The following TBC1D9 variants were observed in gnomAD, a reference collection of about 807,000 sequenced individuals.
TBC1D9 encodes TBC1 domain family member 9A.
A neutral mutation model predicts 132.0 loss-of-function variants in TBC1D9; 63 were observed. That is an observed-to-expected ratio of 0.48 (90% CI 0.39 to 0.59). The LOEUF is 0.59. TBC1D9 is among the 20% of genes least tolerant of loss of function. The pLI, the probability that TBC1D9 is intolerant of heterozygous loss-of-function variation, is 0.00. For synonymous variants in TBC1D9, 610 were observed against 609.9 expected (o/e 1.00, Z 0.00); for missense variants, 1,261 against 1,592.7 (o/e 0.79, Z 3.54).
At chr4:140,655,513 T>C (rs552258026) in intron 13 of TBC1D9, among the ~76,000 whole-genome samples, 1 of 152,306 alleles carries the variant, frequency 6.6e-6, no homozygotes, top group African/African-American at 2.4e-5. Context: ...GTAGAGAGCA[T>C]AGTGCGCTCA....
intron 1 of TBC1D9, among the ~76,000 whole-genome samples, chr4:140,739,144 G>A (rs1352141424): frequency 6.6e-6 from 1 of 151,590 alleles, no homozygotes; most frequent in African/African-American, 2.4e-5. Flanking sequence ...TTACAGGCGT[G>A]TGCCACCATG....
chr4:140,642,987 C>G (rs1737031820), intron 13 of TBC1D9: 1 of 703,852 alleles, frequency 1.4e-6, no homozygotes, highest in Admixed American at 2.9e-5. Context: ...CCGCCACATT[C>G]TGAAGTCCAG....
chr4:140,650,963 A>T (rs1737179805), intron 13 of TBC1D9, among the ~76,000 whole-genome samples: 1 of 152,230 alleles, frequency 6.6e-6, no homozygotes, highest in Non-Finnish European at 1.5e-5. Flanking sequence ...GACACATAGC[A>T]AGTCCCAGAT....
rs374271254 is a variant in TBC1D9, at chr4:140,669,087, A to T, written c.1438-20T>A. On this transcript the variant is annotated intron_variant, in intron 8 of 20. Coordinates refer to ENST00000442267, the MANE Select transcript of TBC1D9 (RefSeq NM_015130.3). ...TTTGGCCTGAAAGGGATAATGAAACATTATGACATCCAAAGTACCCTGAGG... is the reference window on the plus strand; with the variant it reads ...TTTGGCCTGAAAGGGATAATGAAACTTTATGACATCCAAAGTACCCTGAGG... 1.2e-6 allele frequency: 2 copies of T among 1,613,440 alleles called. No homozygotes were observed. Among genetic ancestry groups the T allele is most frequent in the Non-Finnish European group, 8.5e-7 (1 of 1,179,500 alleles).
chr4:140,642,744 C>G, intron 13 of TBC1D9: 1 of 650,140 alleles, frequency 1.5e-6, no homozygotes, highest in Non-Finnish European at 2.7e-6. Flanking sequence ...ATTCCTGCTC[C>G]CAGCTCATAG....
intron 1 of TBC1D9, among the ~76,000 whole-genome samples, chr4:140,734,321 G>A (rs1738641836): frequency 6.6e-6 from 1 of 151,986 alleles, no homozygotes; most frequent in South Asian, 2.1e-4. Flanking sequence ...GTAGAGATGG[G>A]GTTTCGCCAT....
At chr4:140,704,964 T>C (rs564224218) in intron 1 of TBC1D9, among the ~76,000 whole-genome samples, 2 of 152,336 alleles carry the variant, frequency 1.3e-5, no homozygotes, top group South Asian at 2.1e-4. Context: ...CACAGGTACA[T>C]GCTGAAATAT....
At chr4:140,711,372 G>A (rs1336258951) in intron 1 of TBC1D9, among the ~76,000 whole-genome samples, 1 of 152,084 alleles carries the variant, frequency 6.6e-6, no homozygotes, top group Non-Finnish European at 1.5e-5. Flanking sequence ...AGAGTTCATC[G>A]CTATGAAGCC....
At chr4:140,735,079 A>C (rs1314761223) in intron 1 of TBC1D9, among the ~76,000 whole-genome samples, 1 of 152,230 alleles carries the variant, frequency 6.6e-6, no homozygotes, top group Non-Finnish European at 1.5e-5. Context: ...TAAATATAGA[A>C]TTTCCCTTTA....
chr4:140,663,898 T>C (rs894623880), intron 9 of TBC1D9, among the ~76,000 whole-genome samples: 12 of 151,588 alleles, frequency 7.9e-5, no homozygotes, highest in African/African-American at 2.9e-4. Flanking sequence ...AGGGGAAAAA[T>C]GGAGAGATGT....
At chr4:140,748,847 T>C (rs1738879364) in intron 1 of TBC1D9, among the ~76,000 whole-genome samples, 1 of 152,112 alleles carries the variant, frequency 6.6e-6, no homozygotes. Context: ...AGAAAAATGG[T>C]CAGAGAGGGA....
At chr4:140,683,898 G>A (rs1264070030) in intron 3 of TBC1D9, among the ~76,000 whole-genome samples, 3 of 152,206 alleles carry the variant, frequency 2.0e-5, no homozygotes, top group Non-Finnish European at 4.4e-5. Flanking sequence ...AAGTTACACT[G>A]TTTGAACAAA....
intron 1 of TBC1D9, among the ~76,000 whole-genome samples, chr4:140,725,667 C>A (rs894881248): frequency 6.6e-6 from 1 of 152,004 alleles, no homozygotes; most frequent in Admixed American, 6.6e-5. Flanking sequence ...TTGCTGGATG[C>A]GGATCTCATC....
chr4:140,685,530 C>G (rs10014443), intron 3 of TBC1D9, among the ~76,000 whole-genome samples: 100,692 of 152,026 alleles, frequency 0.66, 33,408 homozygotes, highest in Non-Finnish European at 0.67. Flanking sequence ...AAATGTTCCA[C>G]GCTGAAGGAG....
intron 13 of TBC1D9, among the ~76,000 whole-genome samples, chr4:140,656,731 T>A (rs1737277586): frequency 6.6e-6 from 1 of 152,244 alleles, no homozygotes. Context: ...ACTACCCTCC[T>A]GATACCAGCC....
chr4:140,724,266 AATG>A (rs1272064422), intron 1 of TBC1D9, among the ~76,000 whole-genome samples: 72 of 152,344 alleles, frequency 4.7e-4, no homozygotes, highest in African/African-American at 1.4e-3. Flanking sequence ...AAGAAAAAGA[AATG>A]GGATACAAGC....
chr4:140,717,390 C>A (rs1172000018), intron 1 of TBC1D9, among the ~76,000 whole-genome samples: 6 of 152,194 alleles, frequency 3.9e-5, no homozygotes, highest in African/African-American at 1.2e-4. Flanking sequence ...ACCGTAGAGG[C>A]CTTCCTGTTC....
At chr4:140,630,805 C>T (rs796765562) in intron 16 of TBC1D9, among the ~76,000 whole-genome samples, 7 of 152,276 alleles carry the variant, frequency 4.6e-5, no homozygotes, top group South Asian at 2.1e-4. Flanking sequence ...TCAAGGTGTC[C>T]GCTGAGTCCA....
At chr4:140,650,105 T>C (rs1392465261) in intron 13 of TBC1D9, among the ~76,000 whole-genome samples, 1 of 152,350 alleles carries the variant, frequency 6.6e-6, no homozygotes, top group Admixed American at 6.5e-5. Flanking sequence ...CCATGTAAAC[T>C]ATTAGCTGTT....
Sources: allele counts gnomAD v4.1 joint callset (sites outside exome capture counted in the v4.1 genomes callset), GRCh38; gene constraint gnomAD v4.1.1; transcripts MANE v1.5; gene names NCBI Gene and HGNC (gene_info 2026-07-23, HGNC 2026-07-21).